Variants in ELAVL4 observed in about 807,000 individuals in gnomAD.
The protein encoded by ELAVL4 is ELAV-like protein 4.
In ELAVL4, 1 loss-of-function variant was observed where a neutral mutation model predicts 35.6. The ratio of observed to expected loss-of-function variants is 0.03; its 90% CI spans 0.01 to 0.13. The LOEUF (loss-of-function observed/expected upper bound fraction) is 0.13, where lower values mean the gene tolerates loss of function less well. Ranked by LOEUF, ELAVL4 falls within the 10% of genes least tolerant of loss-of-function variation. The probability of loss-of-function intolerance (pLI) is 1.00; values close to 1 mark genes in which losing one functional copy is unlikely to be tolerated. For missense variants in ELAVL4, 267 were observed against 464.9 expected, an observed-to-expected ratio of 0.57 and a Z score of 3.91; for synonymous variants, 156 against 171.0, an observed-to-expected ratio of 0.91 and a Z score of 0.69.
intron 1 of ELAVL4, among the ~76,000 whole-genome samples, chr1:50,119,760 G>C (rs892840548): frequency 6.6e-6 from 1 of 151,852 alleles, no homozygotes; most frequent in Non-Finnish European, 1.5e-5. Context: ...TCTCAGCATA[G>C]TTCTGCTTGT....
chr1:50,107,439 G>T (rs1198500022), upstream of ELAVL4, among the ~76,000 whole-genome samples: 1 of 152,136 alleles, frequency 6.6e-6, no homozygotes, highest in Non-Finnish European at 1.5e-5. Flanking sequence ...TCTGAAGTGT[G>T]AATATATATG....
At chr1:50,097,575 A>T (rs1029303254) in intron 1 of ELAVL4, among the ~76,000 whole-genome samples, 17 of 152,168 alleles carry the variant, frequency 1.1e-4, no homozygotes, top group African/African-American at 3.6e-4. Flanking sequence ...ACTGGCCTTG[A>T]TGTCTCCTGG....
chr1:50,154,033 C>A lies in ELAVL4; in HGVS notation c.250+8836C>A, dbSNP rs1056546984. Among the ~76,000 whole-genome samples the A allele has an allele frequency of 2.0e-5, 3 of 152,164 alleles. No homozygotes were observed. In the South Asian group the frequency reaches 6.2e-4, roughly 32 times the overall value. ...TAAGCCACCCAGTCTGTGGTATCTT[C>A]TTATAGTAGCCCAAGCTGCCTAATA... On this transcript the variant is annotated intron_variant, in intron 2 of 6. Transcript: ENST00000371824.
upstream of ELAVL4, chr1:50,103,813 T>A: frequency 8.0e-7 from 1 of 1,252,762 alleles, no homozygotes. Flanking sequence ...TTTTGCTAAT[T>A]CAATTGAGGG....
At chr1:50,178,620 T>C (rs913996429) in intron 3 of ELAVL4, among the ~76,000 whole-genome samples, 2 of 152,200 alleles carry the variant, frequency 1.3e-5, no homozygotes, top group African/African-American at 4.8e-5. Flanking sequence ...ATGAGTTCTC[T>C]AATGAGGAAA....
chr1:50,186,559 A>G (rs1019780158), intron 3 of ELAVL4, among the ~76,000 whole-genome samples: 2 of 152,164 alleles, frequency 1.3e-5, no homozygotes, highest in African/African-American at 4.8e-5. Context: ...GGTGGCATTC[A>G]GTATGGGCTT....
chr1:50,124,836 T>C (rs1236315521), intron 1 of ELAVL4, among the ~76,000 whole-genome samples: 1 of 152,068 alleles, frequency 6.6e-6, no homozygotes, highest in East Asian at 1.9e-4. Flanking sequence ...AAACTAGGGT[T>C]GTTGTGAGGA....
chr1:50,145,834 T>A (rs2148693861), intron 2 of ELAVL4, among the ~76,000 whole-genome samples: 1 of 152,344 alleles, frequency 6.6e-6, no homozygotes, highest in South Asian at 2.1e-4. Flanking sequence ...TGAAAGTGAA[T>A]CAACACCCTA....
intron 2 of ELAVL4, chr1:50,175,504 T>TC (rs1679861009): frequency 6.6e-6 from 1 of 152,100 alleles, no homozygotes; most frequent in South Asian, 2.1e-4. Context: ...ATTCTCTCCT[T>TC]CCTCTTCAGT....
intron 1 of ELAVL4, among the ~76,000 whole-genome samples, chr1:50,115,846 G>T (rs1388013798): frequency 2.0e-5 from 3 of 152,058 alleles, no homozygotes; most frequent in African/African-American, 7.2e-5. Context: ...TGGAATCCAA[G>T]GTCACCATTT....
intron 1 of ELAVL4, among the ~76,000 whole-genome samples, chr1:50,137,117 T>A (rs1265488422): frequency 1.3e-5 from 2 of 152,156 alleles, no homozygotes; most frequent in Admixed American, 1.3e-4. Flanking sequence ...TAAAAGAGTG[T>A]TAGTCTACAC....
intron 1 of ELAVL4, among the ~76,000 whole-genome samples, chr1:50,135,961 C>G (rs1285683506): frequency 2.0e-5 from 3 of 152,050 alleles, no homozygotes; most frequent in Non-Finnish European, 2.9e-5. Context: ...AGTCTCAGCT[C>G]CTCCCCTTGG....
chr1:50,099,556 G>T (rs1304133153), upstream of ELAVL4, among the ~76,000 whole-genome samples: 1 of 96,486 alleles, frequency 1.0e-5, no homozygotes, highest in Non-Finnish European at 1.9e-5. Flanking sequence ...GCGAAACTCC[G>T]CCTCAAAAAA....
intron 1 of ELAVL4, among the ~76,000 whole-genome samples, chr1:50,064,903 G>C (rs1664185584): frequency 6.6e-6 from 1 of 152,072 alleles, no homozygotes; most frequent in Admixed American, 6.6e-5. Flanking sequence ...GTTCCATGAG[G>C]GCAGGGAATA....
intron 1 of ELAVL4, among the ~76,000 whole-genome samples, chr1:50,089,176 AAAAG>A (rs1557695808): frequency 6.6e-6 from 1 of 152,246 alleles, no homozygotes; most frequent in Non-Finnish European, 1.5e-5. Context: ...AATGTAGCAG[AAAAG>A]AAAGACTCAT....
chr1:50,119,792 A>G (rs1668713695), intron 1 of ELAVL4, among the ~76,000 whole-genome samples: 1 of 151,918 alleles, frequency 6.6e-6, no homozygotes, highest in Non-Finnish European at 1.5e-5. Flanking sequence ...GACCATAGAG[A>G]TCATCTTTCA....
intron 1 of ELAVL4, among the ~76,000 whole-genome samples, chr1:50,075,774 A>G (rs917851865): frequency 1.3e-5 from 2 of 152,166 alleles, no homozygotes; most frequent in Non-Finnish European, 2.9e-5. Flanking sequence ...GAAAATACAT[A>G]TTGTCAGCTG....
rs563885142 is a variant in ELAVL4, at chr1:50,193,237, G to T, written c.355-528G>T. Among the ~76,000 whole-genome samples the T allele has an allele frequency of 7.2e-5, 11 of 152,202 alleles. No homozygotes were observed. The East Asian group carries it at 2.1e-3, about 29-fold the overall frequency. On this transcript the variant is annotated intron_variant, in intron 3 of 6. Transcript: ENST00000371824. ...GAGCAGACCTCATGGGAACAGACTG[G>T]AGCAACACAAAGGATGGAACATAAA... is the stretch of plus-strand genomic sequence containing the variant.
At chr1:50,158,376 G>A (rs71651137) in intron 2 of ELAVL4, among the ~76,000 whole-genome samples, 50 of 152,224 alleles carry the variant, frequency 3.3e-4, no homozygotes, top group Non-Finnish European at 4.7e-4. Context: ...TTCCAGGGTC[G>A]TATGCCTAGT....
Sources: allele counts gnomAD v4.1 joint callset (sites outside exome capture counted in the v4.1 genomes callset), GRCh38; gene constraint gnomAD v4.1.1; transcripts MANE v1.5; gene names NCBI Gene and HGNC (gene_info 2026-07-23, HGNC 2026-07-21).